XYLT1: variants seen among roughly 807,000 people sequenced by gnomAD.
The protein encoded by XYLT1 is beta-D-xylosyltransferase 1.
In XYLT1, 36 loss-of-function variants were observed where a neutral mutation model predicts 91.3. That is an observed-to-expected ratio of 0.39 (90% CI 0.30 to 0.52). The LOEUF (loss-of-function observed/expected upper bound fraction) is 0.52, where lower values mean the gene tolerates loss of function less well. Ranked by LOEUF, XYLT1 falls within the 20% of genes least tolerant of loss-of-function variation. The pLI, the probability that XYLT1 is intolerant of heterozygous loss-of-function variation, is 0.68. For synonymous variants in XYLT1, 588 were observed against 532.0 expected (o/e 1.11, Z -1.45); for missense variants, 1,242 against 1,284.5 (o/e 0.97, Z 0.51).
chr16:17,283,953 T>C (rs1477582967), intron 2 of XYLT1, among the ~76,000 whole-genome samples: 1 of 152,202 alleles, frequency 6.6e-6, no homozygotes, highest in South Asian at 2.1e-4. Context: ...ACTACCACTA[T>C]ACACCCGCCC....
At chr16:17,411,800 C>T (rs553277310) in intron 1 of XYLT1, among the ~76,000 whole-genome samples, 1 of 152,286 alleles carries the variant, frequency 6.6e-6, no homozygotes, top group South Asian at 2.1e-4. Flanking sequence ...CGGAAACTGT[C>T]CAAGAAGAAA....
rs916642969 is a variant in XYLT1, at chr16:17,225,010, G to A, written c.914-24356C>T. The stretch of plus-strand genomic sequence containing the variant: ...TAACTTACGCAACAGGTGGTGGGCC[G>A]GATTTGGCTTGTGGGCTATCATTTG... On this transcript the variant is annotated intron_variant, in intron 3 of 11. Coordinates refer to ENST00000261381, the MANE Select transcript of XYLT1 (RefSeq NM_022166.4). Among the ~76,000 whole-genome samples the A allele has an allele frequency of 2.6e-5, 4 of 152,080 alleles. No individual in the cohort carries two copies. In the East Asian group the frequency reaches 5.8e-4, roughly 22 times the overall value.
chr16:17,292,670 G>A (rs986568258), intron 2 of XYLT1, among the ~76,000 whole-genome samples: 11 of 152,228 alleles, frequency 7.2e-5, no homozygotes, highest in African/African-American at 2.7e-4. Flanking sequence ...CACCAGAATA[G>A]CAATGGGAAA....
rs575648835 is a variant in XYLT1, at chr16:17,376,262, C to T, written c.364-18212G>A. 6.6e-4 allele frequency among the ~76,000 whole-genome samples: 100 copies of T among 152,304 alleles called. 2 individuals carry two copies. In the South Asian group the frequency reaches 7.7e-3, roughly 12 times the overall value. On this transcript the variant is annotated intron_variant, in intron 1 of 11. Transcript: ENST00000261381. Reference sequence around the variant, plus strand: ...ACCTAGAGGGTAGAGACAGGGATGGCGCTCCATATCCTACAATGCACAGGT... The same window carrying T: ...ACCTAGAGGGTAGAGACAGGGATGGTGCTCCATATCCTACAATGCACAGGT...
Position 17,155,747 on chromosome 16 carries a change from T to G in XYLT1, c.1370+3082A>C, listed in dbSNP as rs562206937. On this transcript the variant is annotated intron_variant, in intron 6 of 11. Transcript: ENST00000261381. ...ACTCACACGCAAGAGTTGGAAGTTG[T>G]GAGCTATTCTGTCAAGAGGCCTTTG... is the stretch of plus-strand genomic sequence containing the variant. 2.6e-5 allele frequency among the ~76,000 whole-genome samples: 4 copies of G among 152,308 alleles called. No individual in the cohort carries two copies. In the East Asian group the frequency reaches 7.7e-4, roughly 29 times the overall value.
At chr16:17,235,825 A>G (rs2033238758) in intron 3 of XYLT1, among the ~76,000 whole-genome samples, 1 of 152,172 alleles carries the variant, frequency 6.6e-6, no homozygotes, top group Non-Finnish European at 1.5e-5. Context: ...AACCATCCCT[A>G]GCCTTTTAAT....
rs558979447 is a variant in XYLT1 at position 17,149,161 on chromosome 16, G to A, written c.1371-7792C>T. 3.9e-5 allele frequency among the ~76,000 whole-genome samples: 6 copies of A among 152,332 alleles called. No homozygotes were observed. The East Asian group carries it at 1.2e-3, about 29-fold the overall frequency. ...GAAGAAGTCAGTTAAAAAAACATCTGTGGCTTTTGGAAATAATGTCAGAAA... is the reference window on the plus strand; with the variant it reads ...GAAGAAGTCAGTTAAAAAAACATCTATGGCTTTTGGAAATAATGTCAGAAA... On this transcript the variant is annotated intron_variant, in intron 6 of 11. Coordinates refer to ENST00000261381, the MANE Select transcript of XYLT1 (RefSeq NM_022166.4).
At chr16:17,333,517 G>A (rs1488731361) in intron 2 of XYLT1, among the ~76,000 whole-genome samples, 1 of 151,988 alleles carries the variant, frequency 6.6e-6, no homozygotes, top group South Asian at 2.1e-4. Context: ...TGATTCTGGA[G>A]GGTTGCTAGG....
intron 1 of XYLT1, among the ~76,000 whole-genome samples, chr16:17,430,230 T>C (rs1183801195): frequency 6.6e-6 from 1 of 152,120 alleles, no homozygotes; most frequent in Non-Finnish European, 1.5e-5. Flanking sequence ...AGGTTGAGCA[T>C]CCCTAACCCA....
intron 3 of XYLT1, among the ~76,000 whole-genome samples, chr16:17,257,986 C>T (rs1420041149): frequency 1.3e-5 from 2 of 152,162 alleles, no homozygotes; most frequent in South Asian, 2.1e-4. Context: ...TGAAACTGGA[C>T]TCCCCATCTT....
chr16:17,403,217 G>T (rs758742002), intron 1 of XYLT1, among the ~76,000 whole-genome samples: 1 of 152,130 alleles, frequency 6.6e-6, no homozygotes, highest in East Asian at 1.9e-4. Context: ...CTCATATCCA[G>T]CCTTGGATGC....
At chr16:17,171,657 C>T (rs560960651) in intron 5 of XYLT1, among the ~76,000 whole-genome samples, 7 of 152,194 alleles carry the variant, frequency 4.6e-5, no homozygotes, top group Non-Finnish European at 8.8e-5. Flanking sequence ...GCAAAGAAAA[C>T]TTCAGAAATG....
chr16:17,391,016 C>T (rs1285433751), intron 1 of XYLT1, among the ~76,000 whole-genome samples: 4 of 152,120 alleles, frequency 2.6e-5, no homozygotes, highest in South Asian at 2.1e-4. Flanking sequence ...CCAGCATGGG[C>T]GACAGAGCGA....
intron 1 of XYLT1, among the ~76,000 whole-genome samples, chr16:17,395,371 A>T (rs1045824442): frequency 2.0e-5 from 3 of 152,128 alleles, no homozygotes; most frequent in Non-Finnish European, 4.4e-5. Context: ...AAAAAATGGA[A>T]GGGTGGTGCA....
chr16:17,116,869 A>G (rs188632725), intron 11 of XYLT1, among the ~76,000 whole-genome samples: 2 of 152,052 alleles, frequency 1.3e-5, no homozygotes, highest in Admixed American at 6.5e-5. Flanking sequence ...TTTGCTTTCA[A>G]TTTTCATTTC....
intron 1 of XYLT1, among the ~76,000 whole-genome samples, chr16:17,419,512 C>T (rs542795196): frequency 1.3e-5 from 2 of 152,246 alleles, no homozygotes; most frequent in Non-Finnish European, 2.9e-5. Flanking sequence ...AGGCAGTGGG[C>T]CAGATTCGCC....
intron 2 of XYLT1, among the ~76,000 whole-genome samples, chr16:17,323,850 A>G (rs962016771): frequency 6.6e-6 from 1 of 152,226 alleles, no homozygotes; most frequent in African/African-American, 2.4e-5. Context: ...TCAAGAGCAG[A>G]TGGCAGAGAC....
intron 2 of XYLT1, among the ~76,000 whole-genome samples, chr16:17,275,413 T>TTCCA (rs1360877815): frequency 6.6e-6 from 1 of 152,088 alleles, no homozygotes; most frequent in East Asian, 1.9e-4. Flanking sequence ...GAAACACCAC[T>TTCCA]TCCACCAAAG....
At chr16:17,327,473 T>C (rs368827282) in intron 2 of XYLT1, among the ~76,000 whole-genome samples, 175 of 150,458 alleles carry the variant, frequency 1.2e-3, no homozygotes, top group Non-Finnish European at 1.8e-3. Context: ...CGCCATTCTC[T>C]TGCCTCAGCC....
Sources: allele counts gnomAD v4.1 joint callset (sites outside exome capture counted in the v4.1 genomes callset), GRCh38; gene constraint gnomAD v4.1.1; transcripts MANE v1.5; gene names NCBI Gene and HGNC (gene_info 2026-07-23, HGNC 2026-07-21).